The following FAM135A variants were observed in gnomAD, a reference collection of about 807,000 sequenced individuals.
The protein encoded by FAM135A is family with sequence similarity 135 member A, also known as protein FAM135A.
Under a neutral mutation model 146.8 loss-of-function variants are expected in FAM135A, and 79 were observed. That is an observed-to-expected ratio of 0.54 (90% CI 0.45 to 0.65). The LOEUF is 0.65. FAM135A is among the 30% of genes least tolerant of loss of function. The pLI, the probability that FAM135A is intolerant of heterozygous loss-of-function variation, is 0.00. For synonymous variants in FAM135A, 562 were observed against 603.6 expected (o/e 0.93, Z 1.01); for missense variants, 1,623 against 1,758.2 (o/e 0.92, Z 1.38).
intron 11 of FAM135A, among the ~76,000 whole-genome samples, chr6:70,502,174 T>A (rs1041131734): frequency 6.6e-6 from 1 of 152,196 alleles, no homozygotes; most frequent in Admixed American, 6.5e-5. Context: ...TTTCAGAAAG[T>A]ATCACAATTT....
intron 4 of FAM135A, among the ~76,000 whole-genome samples, chr6:70,443,980 T>C (rs1458702895): frequency 6.6e-6 from 1 of 152,258 alleles, no homozygotes; most frequent in Non-Finnish European, 1.5e-5. Flanking sequence ...TGACATTGTC[T>C]TTTAGCAAGA....
At chr6:70,415,646 G>C (rs1376403934) in intron 2 of FAM135A, among the ~76,000 whole-genome samples, 2 of 152,006 alleles carry the variant, frequency 1.3e-5, no homozygotes, top group South Asian at 2.1e-4. Context: ...TAAAAAGCCA[G>C]GTCTTTTTAT....
chr6:70,435,112 T>A (rs1279303329), intron 4 of FAM135A, among the ~76,000 whole-genome samples: 33 of 76,270 alleles, frequency 4.3e-4, no homozygotes, highest in Admixed American at 2.5e-3. Context: ...TATATATATT[T>A]TTTTTTTTTT....
chr6:70,536,222 A>C, intron 18 of FAM135A, 38 bp from the exon 19 acceptor site: 1 of 1,551,530 alleles, frequency 6.4e-7, no homozygotes, highest in South Asian at 1.3e-5. Flanking sequence ...TTCTAAAACT[A>C]ATGCTGTGAG....
intron 2 of FAM135A, among the ~76,000 whole-genome samples, chr6:70,422,066 A>G (rs1215835252): frequency 6.6e-6 from 1 of 152,238 alleles, no homozygotes; most frequent in African/African-American, 2.4e-5. Context: ...CTGTTCGCCC[A>G]CAGAATGAAT....
At position 70,539,299 on chromosome 6, in the gene FAM135A, T is replaced by G. The variant is rs543325032; in HGVS notation, c.4228+898T>G. On this transcript the variant is annotated intron_variant, in intron 20 of 21. Transcript: ENST00000418814. ...GGCTACAGAGTGGAGTTTGGCAAACTTTTTTTTAAAAAAGGCCAGATAGTA... is the reference window on the plus strand; with the variant it reads ...GGCTACAGAGTGGAGTTTGGCAAACGTTTTTTTAAAAAAGGCCAGATAGTA... Among the ~76,000 whole-genome samples the G allele has an allele frequency of 3.1e-3, 476 of 152,176 alleles. 3 individuals carry two copies. Among genetic ancestry groups the G allele is most frequent in the African/African-American group, 0.011 (451 of 41,522 alleles).
chr6:70,533,381 T>G (rs1796191737), intron 17 of FAM135A, 130 bp downstream of exon 17: 4 of 624,944 alleles, frequency 6.4e-6, no homozygotes. Flanking sequence ...TTAATATAAA[T>G]GTATATCCAA....
At chr6:70,482,189 C>A in intron 10 of FAM135A, 35 bp downstream of exon 10, 1 of 1,604,578 alleles carries the variant, frequency 6.2e-7, no homozygotes, top group South Asian at 1.1e-5. Context: ...TTCTACAGTT[C>A]AAATCATTCT....
intron 4 of FAM135A, 141 bp downstream of exon 4, chr6:70,428,560 A>G (rs1262671146): frequency 2.0e-6 from 1 of 490,370 alleles, no homozygotes. Flanking sequence ...GATAAATTTT[A>G]TTTATTAAAT....
At position 70,526,029 on chromosome 6, in the gene FAM135A, G is replaced by C. The variant is rs1561976586; in HGVS notation, c.2945G>C (p.Gly982Ala). 1 of 1,611,740 alleles carries C rather than the reference G, an allele frequency of 6.2e-7. No individual in the cohort carries two copies. The highest frequency in any genetic ancestry group is 8.5e-7 in the Non-Finnish European group (1 of 1,179,226). The change falls in exon 15 of 22, where the codon GGT becomes GCT. Residue 982 changes from glycine (G) to alanine (A), a missense_variant. Around this residue, in one of 7 missense-constraint regions of FAM135A, gnomAD observed 1,061 missense variants for 1,113.8 expected, o/e 0.95. Transcript: ENST00000418814. ...ICLGTPCVIS[G>A]SISSNTDVSE... ...TTAGGCACTCCTTGTGTCATTTCAG[G>C]TTCCATTTCTAGTAATACAGATGTT...
At chr6:70,446,263 G>A (rs1775717784) in intron 4 of FAM135A, among the ~76,000 whole-genome samples, 1 of 152,050 alleles carries the variant, frequency 6.6e-6, no homozygotes, top group Non-Finnish European at 1.5e-5. Flanking sequence ...CTTATGTTTA[G>A]CTTCTACAAC....
At chr6:70,515,161 G>A (rs1375649659) in intron 12 of FAM135A, among the ~76,000 whole-genome samples, 1 of 152,180 alleles carries the variant, frequency 6.6e-6, no homozygotes, top group Non-Finnish European at 1.5e-5. Context: ...TTCATTCCTG[G>A]TAGGAACACA....
At chr6:70,543,489 G>T (rs1051733814) in intron 20 of FAM135A, among the ~76,000 whole-genome samples, 1 of 152,178 alleles carries the variant, frequency 6.6e-6, no homozygotes, top group East Asian at 1.9e-4. Flanking sequence ...TTCTCTTATA[G>T]ATTGGGTTTT....
chr6:70,471,575 G>A (rs1475520303), intron 5 of FAM135A, among the ~76,000 whole-genome samples: 1 of 144,820 alleles, frequency 6.9e-6, no homozygotes, highest in Non-Finnish European at 1.5e-5. Context: ...ATAGGGGGTG[G>A]GAGGAGGGAG....
chr6:70,502,458 A>G (rs1788771617), intron 11 of FAM135A, among the ~76,000 whole-genome samples, 178 bp from the exon 12 acceptor site: 1 of 151,358 alleles, frequency 6.6e-6, no homozygotes, highest in Admixed American at 6.6e-5. Flanking sequence ...CTATCAGGTA[A>G]GTAAAAAACC....
intron 5 of FAM135A, among the ~76,000 whole-genome samples, chr6:70,461,112 C>T (rs1015376716): frequency 2.8e-4 from 42 of 152,084 alleles, no homozygotes; most frequent in African/African-American, 9.2e-4. Context: ...TGTAAGCCAC[C>T]GTGCCAAGCC....
chr6:70,456,244 TCTTA>T (rs1778349443), intron 5 of FAM135A, among the ~76,000 whole-genome samples: 1 of 152,232 alleles, frequency 6.6e-6, no homozygotes, highest in Non-Finnish European at 1.5e-5. Context: ...TACTATATAG[TCTTA>T]CTTGTATCAA....
At chr6:70,470,060 A>G (rs1210816455) in intron 5 of FAM135A, among the ~76,000 whole-genome samples, 1 of 152,148 alleles carries the variant, frequency 6.6e-6, no homozygotes, top group Non-Finnish European at 1.5e-5. Flanking sequence ...ATGATGGATC[A>G]TAGTATCTAT....
intron 20 of FAM135A, among the ~76,000 whole-genome samples, chr6:70,542,866 TTTGA>T (rs767862884): frequency 1.3e-5 from 2 of 152,212 alleles, no homozygotes; most frequent in African/African-American, 2.4e-5. Context: ...TAGGGTCATC[TTTGA>T]TTGACCTCAC....
Sources: allele counts gnomAD v4.1 joint callset (sites outside exome capture counted in the v4.1 genomes callset), GRCh38; gene constraint gnomAD v4.1.1; regional missense constraint gnomAD v4.1.1; transcripts MANE v1.5; gene names NCBI Gene and HGNC (gene_info 2026-07-23, HGNC 2026-07-21).